FAM228B: variants seen among roughly 807,000 people sequenced by gnomAD.
FAM228B encodes family with sequence similarity 228 member B.
In FAM228B, 38 loss-of-function variants were observed where a neutral mutation model predicts 42.6. That is an observed-to-expected ratio of 0.89 (90% CI 0.69 to 1.17). FAM228B has a LOEUF of 1.17. Ranked by LOEUF, FAM228B falls within the 50% of genes most tolerant of loss-of-function variation. FAM228B has a pLI of 0.00. For synonymous variants in FAM228B, 109 were observed against 122.3 expected, an observed-to-expected ratio of 0.89 and a Z score of 0.72; for missense variants, 344 against 367.3, an observed-to-expected ratio of 0.94 and a Z score of 0.52.
intron 2 of FAM228B, among the ~76,000 whole-genome samples, chr2:24,131,670 C>T (rs930948541): frequency 1.3e-5 from 2 of 152,152 alleles, no homozygotes; most frequent in Non-Finnish European, 2.9e-5. Context: ...GATTTTTGCA[C>T]ATCGATTTTG....
intron 3 of FAM228B, among the ~76,000 whole-genome samples, chr2:24,098,335 G>A (rs1291846469): frequency 3.3e-4 from 50 of 152,094 alleles, no homozygotes; most frequent in African/African-American, 2.4e-5. Context: ...AAAAATCAAG[G>A]AGTCCAGGAG....
intron 3 of FAM228B, among the ~76,000 whole-genome samples, chr2:24,106,602 G>A (rs555740865): frequency 6.6e-6 from 1 of 152,222 alleles, no homozygotes; most frequent in South Asian, 2.1e-4. Flanking sequence ...TTACAGGTAT[G>A]AGCCACCTTA....
intron 1 of FAM228B, among the ~76,000 whole-genome samples, chr2:24,123,891 G>T (rs531766841): frequency 1.3e-5 from 2 of 152,292 alleles, no homozygotes; most frequent in South Asian, 2.1e-4. Context: ...ACTTCGAGCC[G>T]CTCAGAGCTC....
At chr2:24,124,255 G>A in intron 1 of FAM228B, 75 bp from the exon 2 acceptor site, 1 of 737,012 alleles carries the variant, frequency 1.4e-6, no homozygotes. Flanking sequence ...TGTGTGCAAG[G>A]ACACAGGTGG....
At chr2:24,150,143 G>T (rs557831266) in intron 7 of FAM228B, among the ~76,000 whole-genome samples, 10 of 152,118 alleles carry the variant, frequency 6.6e-5, no homozygotes, top group Admixed American at 4.6e-4. Context: ...CACCACCATT[G>T]CAGTGTTATA....
chr2:24,102,380 T>C (rs1486193339), intron 3 of FAM228B, among the ~76,000 whole-genome samples: 3 of 152,246 alleles, frequency 2.0e-5, no homozygotes, highest in Admixed American at 6.5e-5. Context: ...AGTAAAAATG[T>C]TAATTTTAAT....
At chr2:24,146,889 G>T in intron 6 of FAM228B, 41 bp from the exon 7 acceptor site, 1 of 1,539,588 alleles carries the variant, frequency 6.5e-7, no homozygotes, top group Non-Finnish European at 8.8e-7. Flanking sequence ...AATGGCAGAT[G>T]CATTTAAGGA....
chr2:24,097,550 T>C (rs185281636), intron 3 of FAM228B: 3 of 149,968 alleles, frequency 2.0e-5, no homozygotes, highest in East Asian at 3.9e-4. Flanking sequence ...CATTACATAA[T>C]GGTAAAGGGA....
intron 3 of FAM228B, among the ~76,000 whole-genome samples, chr2:24,109,275 A>C (rs999785180): frequency 6.6e-6 from 1 of 152,132 alleles, no homozygotes; most frequent in Non-Finnish European, 1.5e-5. Context: ...CCCCTTCCTT[A>C]CACCATATAC....
intron 7 of FAM228B, among the ~76,000 whole-genome samples, chr2:24,152,756 C>G (rs1323624535): frequency 6.6e-6 from 1 of 152,182 alleles, no homozygotes; most frequent in East Asian, 1.9e-4. Context: ...CCGAGTCTTG[C>G]ACAAGGCCCT....
At chr2:24,115,579 T>C (rs1370208263) in intron 3 of FAM228B, 1 of 1,611,838 alleles carries the variant, frequency 6.2e-7, no homozygotes, top group South Asian at 1.1e-5. Flanking sequence ...GGGCCTCTGA[T>C]GACTTAACTT....
intron 3 of FAM228B, among the ~76,000 whole-genome samples, chr2:24,098,809 G>T (rs896372329): frequency 2.0e-5 from 3 of 152,152 alleles, no homozygotes; most frequent in African/African-American, 7.2e-5. Flanking sequence ...TTATGCCAAA[G>T]CCTGGCAGAG....
intron 8 of FAM228B, among the ~76,000 whole-genome samples, chr2:24,162,835 A>G (rs1297612197): frequency 2.6e-5 from 4 of 152,212 alleles, no homozygotes; most frequent in South Asian, 2.1e-4. Context: ...AAAGCTACAT[A>G]TAGTATGTTT....
intron 2 of FAM228B, among the ~76,000 whole-genome samples, chr2:24,130,224 G>A (rs1189616487): frequency 2.0e-5 from 3 of 152,126 alleles, no homozygotes; most frequent in African/African-American, 4.8e-5. Context: ...TGGGCATTTG[G>A]GTTGGTTACA....
chr2:24,160,139 ACC>A (rs1315141659), intron 7 of FAM228B, among the ~76,000 whole-genome samples: 3 of 151,832 alleles, frequency 2.0e-5, no homozygotes, highest in Non-Finnish European at 4.4e-5. Flanking sequence ...ACAGGCATGC[ACC>A]ACTACACCCA....
At chr2:24,087,714 G>T (rs888551795) in intron 2 of FAM228B, among the ~76,000 whole-genome samples, 1 of 151,502 alleles carries the variant, frequency 6.6e-6, no homozygotes, top group African/African-American at 2.4e-5. Context: ...AGGTTCAAGC[G>T]ATTCTCCTGC....
intron 2 of FAM228B, among the ~76,000 whole-genome samples, chr2:24,088,225 A>G (rs1451769833): frequency 6.6e-6 from 1 of 151,856 alleles, no homozygotes; most frequent in Non-Finnish European, 1.5e-5. Flanking sequence ...CAGCTGGTGA[A>G]CACATCCACC....
intron 9 of FAM228B, chr2:24,165,383 T>G (rs1303730506): frequency 6.4e-6 from 3 of 471,180 alleles, no homozygotes; most frequent in Non-Finnish European, 8.8e-6. Flanking sequence ...GTCCTCTCTG[T>G]GCAGATGTGA....
In FAM228B at chr2:24,089,485, G is replaced by A. The variant is rs535323499; in HGVS notation, c.-209-5656G>A. Reference sequence around the variant, plus strand: ...TCTACCCAATGGGTAGAGTATTTTCGCCTCATTCTGTTGATGTTGGGTTTG... The same window carrying A: ...TCTACCCAATGGGTAGAGTATTTTCACCTCATTCTGTTGATGTTGGGTTTG... On this transcript the variant is annotated intron_variant, in intron 2 of 10. Coordinates refer to the FAM228B transcript ENST00000613899. Among the ~76,000 whole-genome samples the A allele has an allele frequency of 6.6e-5, 10 of 152,058 alleles. No individual in the cohort carries two copies. In the South Asian group the frequency reaches 1.0e-3, roughly 16 times the overall value.
Sources: allele counts gnomAD v4.1 joint callset (sites outside exome capture counted in the v4.1 genomes callset), GRCh38; gene constraint gnomAD v4.1.1; transcripts MANE v1.5; gene names NCBI Gene and HGNC (gene_info 2026-07-23, HGNC 2026-07-21).